The following ANGPT1 variants were observed in gnomAD, a reference collection of about 807,000 sequenced individuals.
ANGPT1 encodes angiopoietin 1.
A neutral mutation model predicts 62.2 loss-of-function variants in ANGPT1; 17 were observed. The ratio of observed to expected loss-of-function variants is 0.27; its 90% CI spans 0.19 to 0.41. ANGPT1 has a LOEUF of 0.41. ANGPT1 is among the 10% of genes least tolerant of loss of function. The pLI is 1.00. For missense variants in ANGPT1, 478 were observed against 594.9 expected, an observed-to-expected ratio of 0.80 and a Z score of 2.04; for synonymous variants, 199 against 198.9, an observed-to-expected ratio of 1.00 and a Z score of 0.00.
intron 1 of ANGPT1, among the ~76,000 whole-genome samples, chr8:107,391,254 C>T (rs1283703): frequency 0.87 from 132,327 of 152,232 alleles, 57,621 homozygotes; most frequent in East Asian, 0.93. Context: ...CAAGTTTCTC[C>T]GAAAATGTGA....
chr8:107,482,798 A>G (rs1812722331), intron 1 of ANGPT1, among the ~76,000 whole-genome samples: 1 of 152,156 alleles, frequency 6.6e-6, no homozygotes, highest in Non-Finnish European at 1.5e-5. Context: ...AACTATATAT[A>G]ATTTTTTAAA....
chr8:107,492,991 T>C (rs17302560), intron 1 of ANGPT1, among the ~76,000 whole-genome samples: 46,952 of 149,874 alleles, frequency 0.31, 9,651 homozygotes, highest in Middle Eastern at 0.4. Context: ...CAAAGGAATA[T>C]CTAGCTGACC....
rs374326948 is a variant in ANGPT1, at chr8:107,370,220, G to A, written c.298-23123C>T. Among the ~76,000 whole-genome samples, 417 of 93,644 alleles carry A rather than the reference G, an allele frequency of 4.5e-3. 2 individuals carry two copies. Among genetic ancestry groups the A allele is most frequent in the African/African-American group, 0.013 (374 of 29,920 alleles). 61.4% of individuals were successfully genotyped at this position (93,644 alleles called of 152,430 possible). ...AAAAGAAAGAAAGAAAGAAAGAAAG[G>A]AGAAAGGAAGGAAGAAGGAAGAAAG... On this transcript the variant is annotated intron_variant, in intron 1 of 8. Coordinates refer to ENST00000517746, the MANE Select transcript of ANGPT1 (RefSeq NM_001146.5).
intron 7 of ANGPT1, among the ~76,000 whole-genome samples, chr8:107,274,041 T>C (rs1183089175): frequency 1.3e-5 from 2 of 152,096 alleles, no homozygotes; most frequent in Non-Finnish European, 2.9e-5. Context: ...TTCCATGTTT[T>C]GTTTCCTTCT....
intron 1 of ANGPT1, among the ~76,000 whole-genome samples, chr8:107,437,090 G>A (rs1052640685): frequency 1.3e-5 from 2 of 152,134 alleles, no homozygotes; most frequent in African/African-American, 4.8e-5. Flanking sequence ...GGGACAGTGA[G>A]GTGAGGTTAC....
chr8:107,331,948 T>C (rs900932905), intron 3 of ANGPT1, among the ~76,000 whole-genome samples: 1 of 152,288 alleles, frequency 6.6e-6, no homozygotes, highest in Middle Eastern at 3.4e-3. Flanking sequence ...CCTTCTGGAA[T>C]ATTCTTTAGC....
At chr8:107,488,778 T>G (rs1427412912) in intron 1 of ANGPT1, among the ~76,000 whole-genome samples, 1 of 152,174 alleles carries the variant, frequency 6.6e-6, no homozygotes, top group East Asian at 1.9e-4. Context: ...ATAAGGTGGA[T>G]GTCAAGACCT....
intron 1 of ANGPT1, among the ~76,000 whole-genome samples, chr8:107,465,207 T>C (rs749413877): frequency 1.2e-4 from 19 of 152,116 alleles, no homozygotes; most frequent in African/African-American, 4.3e-4. Flanking sequence ...AGAATTAATG[T>C]CAGAACTTTA....
intron 1 of ANGPT1, among the ~76,000 whole-genome samples, chr8:107,474,558 C>A (rs1264329306): frequency 2.0e-5 from 3 of 152,138 alleles, no homozygotes; most frequent in Non-Finnish European, 4.4e-5. Flanking sequence ...CACTCCTATC[C>A]AACATAGTGT....
At chr8:107,388,127 T>C (rs1816767340) in intron 1 of ANGPT1, among the ~76,000 whole-genome samples, 1 of 152,160 alleles carries the variant, frequency 6.6e-6, no homozygotes, top group Non-Finnish European at 1.5e-5. Flanking sequence ...GTAACATGAA[T>C]TGCATACAAA....
intron 2 of ANGPT1, among the ~76,000 whole-genome samples, chr8:107,346,005 T>C (rs1325177366): frequency 6.6e-6 from 1 of 151,776 alleles, no homozygotes; most frequent in African/African-American, 2.4e-5. Flanking sequence ...AAGCTAGTGA[T>C]TTCTAGCTAA....
At chr8:107,295,631 T>G (rs535401797) in intron 5 of ANGPT1, 15 of 152,194 alleles carry the variant, frequency 9.9e-5, no homozygotes, top group African/African-American at 3.6e-4. Context: ...ATGAGAAATT[T>G]AAGAAAGAAA....
intron 8 of ANGPT1, among the ~76,000 whole-genome samples, chr8:107,261,924 G>A (rs1813501374): frequency 6.6e-6 from 1 of 152,086 alleles, no homozygotes; most frequent in Non-Finnish European, 1.5e-5. Context: ...GCTGGGTGTG[G>A]TGGCTCATGC....
chr8:107,401,213 G>A (rs1051382831), intron 1 of ANGPT1, among the ~76,000 whole-genome samples: 8 of 151,118 alleles, frequency 5.3e-5, no homozygotes, highest in South Asian at 2.1e-4. Context: ...TTTTTCTACC[G>A]TTTAGCACTT....
rs1244649087 is a variant in ANGPT1 at position 107,455,756 on chromosome 8, AT to A, written c.297+41505del. On this transcript the variant is annotated intron_variant, in intron 1 of 8. Coordinates refer to ENST00000517746, the MANE Select transcript of ANGPT1 (RefSeq NM_001146.5). ...ACCTGTGGTAAATCTCATGATAAAA[AT>A]ATTTGCAATAGAAGAGGCAGTGAGG... Among the ~76,000 whole-genome samples the A allele has an allele frequency of 4.6e-5, 7 of 152,086 alleles. No homozygotes were observed. The East Asian group carries it at 1.3e-3, about 29-fold the overall frequency.
At chr8:107,478,663 T>C (rs1285257980) in intron 1 of ANGPT1, among the ~76,000 whole-genome samples, 1 of 152,194 alleles carries the variant, frequency 6.6e-6, no homozygotes, top group African/African-American at 2.4e-5. Flanking sequence ...AATTTTTCCA[T>C]TAAAAATTAT....
At chr8:107,476,429 C>T (rs1212321841) in intron 1 of ANGPT1, among the ~76,000 whole-genome samples, 1 of 151,912 alleles carries the variant, frequency 6.6e-6, no homozygotes, top group African/African-American at 2.4e-5. Context: ...ACACCAGGGC[C>T]TGTCATGGGG....
chr8:107,303,309 T>C lies in ANGPT1; in HGVS notation c.867A>G (p.Val289=). ...CACTTTTATTAAAACCAGCTTGATATACATCTGCACAGTCTCTAAATGGTT... is the reference window on the plus strand; with the variant it reads ...CACTTTTATTAAAACCAGCTTGATACACATCTGCACAGTCTCTAAATGGTT... The part of the protein sequence containing the change: ...EEKPFRDCAD[V]YQAGFNKSGI... The change falls in exon 5 of 9, where the codon GTA becomes GTG. Residue 289 remains valine (V), a synonymous_variant. Coordinates refer to ENST00000517746, the MANE Select transcript of ANGPT1 (RefSeq NM_001146.5). 6 of 1,605,062 alleles carry C rather than the reference T, an allele frequency of 3.7e-6. No individual in the cohort carries two copies. Among genetic ancestry groups the C allele is most frequent in the Non-Finnish European group, 5.1e-6 (6 of 1,173,670 alleles).
chr8:107,434,246 A>G (rs1439927092), intron 1 of ANGPT1, among the ~76,000 whole-genome samples: 1 of 152,180 alleles, frequency 6.6e-6, no homozygotes, highest in Non-Finnish European at 1.5e-5. Flanking sequence ...AAGTCTTGAG[A>G]ACAGTGGGAA....
Sources: gnomAD v4.1 joint callset for allele counts (sites outside exome capture counted in the v4.1 genomes callset) on GRCh38, gnomAD v4.1.1 for gene constraint, MANE v1.5 for transcripts, NCBI Gene and HGNC (gene_info 2026-07-23, HGNC 2026-07-21) for gene names.